PGM2L1: variants seen among roughly 807,000 people sequenced by gnomAD.
The protein encoded by PGM2L1 is glucose 1,6-bisphosphate synthase.
A neutral mutation model predicts 73.4 loss-of-function variants in PGM2L1; 35 were observed. The ratio of observed to expected loss-of-function variants is 0.48; its 90% CI spans 0.36 to 0.63. The LOEUF (loss-of-function observed/expected upper bound fraction) is 0.63, where lower values mean the gene tolerates loss of function less well. Ranked by LOEUF, PGM2L1 falls within the 30% of genes least tolerant of loss-of-function variation. The pLI is 0.00. For missense variants in PGM2L1, 570 were observed against 742.0 expected, an observed-to-expected ratio of 0.77 and a Z score of 2.69; for synonymous variants, 225 against 253.8, an observed-to-expected ratio of 0.89 and a Z score of 1.08.
chr11:74,354,921 G>C (rs1159062729), intron 5 of PGM2L1: 1 of 880,076 alleles, frequency 1.1e-6, no homozygotes, highest in East Asian at 2.4e-5. Context: ...TGACTCTGTG[G>C]ATAAGACTGT....
intron 9 of PGM2L1, among the ~76,000 whole-genome samples, chr11:74,344,872 A>T (rs918415049): frequency 1.3e-5 from 2 of 152,194 alleles, no homozygotes; most frequent in African/African-American, 2.4e-5. Flanking sequence ...CTGTAGCCTG[A>T]CTATGGCTCA....
At chr11:74,383,156 C>A (rs1467104157) in intron 1 of PGM2L1, among the ~76,000 whole-genome samples, 3 of 151,712 alleles carry the variant, frequency 2.0e-5, no homozygotes, top group Admixed American at 2.0e-4. Flanking sequence ...GTAAGCAAGC[C>A]ACATGTTAAT....
intron 1 of PGM2L1, among the ~76,000 whole-genome samples, chr11:74,375,956 T>C (rs761426469): frequency 6.6e-6 from 1 of 152,196 alleles, no homozygotes; most frequent in Non-Finnish European, 1.5e-5. Flanking sequence ...AGGGCTAACA[T>C]TTAAAGATGG....
chr11:74,346,916 T>C (rs1328878679), intron 7 of PGM2L1, 87 bp from the exon 8 acceptor site: 4 of 1,135,980 alleles, frequency 3.5e-6, no homozygotes, highest in South Asian at 2.5e-5. Flanking sequence ...ATGTTAGTGA[T>C]AGGAATTTTA....
chr11:74,398,313 G>A lies in PGM2L1; in HGVS notation c.-152C>T. The A allele has an allele frequency of 8.3e-7, 1 of 1,204,986 alleles. No individual in the cohort carries two copies. The highest frequency in any genetic ancestry group is 1.1e-6 in the Non-Finnish European group (1 of 920,766). 74.6% of individuals were successfully genotyped at this position (1,204,986 alleles called of 1,614,324 possible). On this transcript the variant is annotated 5_prime_UTR_variant, in exon 1 of 14. Coordinates refer to ENST00000298198, the MANE Select transcript of PGM2L1 (RefSeq NM_173582.6). ...CAGGGTGTTCGTAACAGCTCCTGCC[G>A]CGGCGTCAGGGAACCGGGAGAGAGG... is the stretch of plus-strand genomic sequence containing the variant.
intron 1 of PGM2L1, among the ~76,000 whole-genome samples, chr11:74,396,955 C>CCTTT (rs1463928492): frequency 6.6e-6 from 1 of 152,156 alleles, no homozygotes; most frequent in Admixed American, 6.5e-5. Context: ...GGGCAGGAAC[C>CCTTT]CTTTCTATTT....
chr11:74,388,373 C>G (rs1863045488), intron 1 of PGM2L1, among the ~76,000 whole-genome samples: 1 of 152,056 alleles, frequency 6.6e-6, no homozygotes, highest in South Asian at 2.1e-4. Context: ...GTATCTATAT[C>G]TCTCTTTATA....
At chr11:74,393,744 C>A (rs959335949) in intron 1 of PGM2L1, among the ~76,000 whole-genome samples, 2 of 152,168 alleles carry the variant, frequency 1.3e-5, no homozygotes, top group Admixed American at 6.5e-5. Flanking sequence ...GGAAGTTCAA[C>A]ACCTTTGTGA....
intron 1 of PGM2L1, among the ~76,000 whole-genome samples, chr11:74,386,575 A>G (rs1283430632): frequency 6.6e-6 from 1 of 151,854 alleles, no homozygotes; most frequent in East Asian, 1.9e-4. Flanking sequence ...TCCCAGGCTC[A>G]AGCAATCTTC....
At chr11:74,367,750 T>A (rs1862683555) in intron 5 of PGM2L1, among the ~76,000 whole-genome samples, 1 of 152,238 alleles carries the variant, frequency 6.6e-6, no homozygotes, top group East Asian at 1.9e-4. Context: ...TGCTACCTGG[T>A]TGACCCAAAC....
rs1006716810 is a variant in PGM2L1, at chr11:74,346,301, A to G, written c.1037+431T>C. Among the ~76,000 whole-genome samples the G allele has an allele frequency of 6.7e-5, 10 of 148,788 alleles. 1 individual carries two copies. Among genetic ancestry groups the G allele is most frequent in the African/African-American group, 2.5e-4 (10 of 40,510 alleles). ...AAAAAAAAAAAAAAAAAAAAAGCAA[A>G]CAAACAAAAAAAAAGGTTAGGAAAT... On this transcript the variant is annotated intron_variant, in intron 8 of 13. Transcript: ENST00000298198.
chr11:74,373,379 A>G (rs1862805419), intron 2 of PGM2L1, among the ~76,000 whole-genome samples: 1 of 152,352 alleles, frequency 6.6e-6, no homozygotes, highest in African/African-American at 2.4e-5. Flanking sequence ...CCCCTGCATT[A>G]GGCCTTGGCT....
In PGM2L1 at chr11:74,333,966, T is replaced by G. The variant is rs1862053339; in HGVS notation, c.*2686A>C. ...ACCTCCTAGCCAGCACTTCTGTCTCTCCTGACCAGCTTGGGCTATCACTGA... is the reference window on the plus strand; with the variant it reads ...ACCTCCTAGCCAGCACTTCTGTCTCGCCTGACCAGCTTGGGCTATCACTGA... On this transcript the variant is annotated 3_prime_UTR_variant, in exon 14 of 14. Transcript: ENST00000298198. 1 of 152,348 alleles carries G rather than the reference T, an allele frequency of 6.6e-6. No individual in the cohort carries two copies. The highest frequency in any genetic ancestry group is 6.5e-5 in the Admixed American group (1 of 15,306). The allele number at this position is 152,348 out of a possible 1,614,324, so 9.4% of individuals were successfully genotyped here. A position where few individuals can be genotyped will look rare whatever the true frequency, so the allele number is the denominator to read the frequency against.
chr11:74,349,359 G>T (rs10793074), intron 6 of PGM2L1, among the ~76,000 whole-genome samples: 82,502 of 152,052 alleles, frequency 0.54, 24,651 homozygotes, highest in East Asian at 0.8. Flanking sequence ...GGGCTTTTTA[G>T]GTTTAATGTT....
chr11:74,382,073 C>A (rs760088095), intron 1 of PGM2L1, among the ~76,000 whole-genome samples: 1 of 151,988 alleles, frequency 6.6e-6, no homozygotes, highest in East Asian at 1.9e-4. Context: ...CATTTTTTCA[C>A]CCAAAACTTG....
At chr11:74,362,805 C>T (rs936139502) in intron 5 of PGM2L1, among the ~76,000 whole-genome samples, 1 of 152,116 alleles carries the variant, frequency 6.6e-6, no homozygotes, top group African/African-American at 2.4e-5. Flanking sequence ...TTTAACACCC[C>T]ACTGTCAACA....
At chr11:74,346,880 T>G (rs755127679) in intron 7 of PGM2L1, 51 bp from the exon 8 acceptor site, 1 of 1,386,082 alleles carries the variant, frequency 7.2e-7, no homozygotes, top group African/African-American at 1.4e-5. Flanking sequence ...CTAAGTTCAA[T>G]GTTAACGTTC....
At chr11:74,360,890 C>A (rs1219715174) in intron 5 of PGM2L1, among the ~76,000 whole-genome samples, 1 of 152,172 alleles carries the variant, frequency 6.6e-6, no homozygotes, top group East Asian at 1.9e-4. Flanking sequence ...AGTAGATAAA[C>A]AAAGGCCAGG....
chr11:74,370,071 A>G (rs1862728913), intron 4 of PGM2L1, among the ~76,000 whole-genome samples: 1 of 152,184 alleles, frequency 6.6e-6, no homozygotes, highest in African/African-American at 2.4e-5. Context: ...TTTTACAAAG[A>G]AATAAAGTAC....
Sources: allele counts gnomAD v4.1 joint callset (sites outside exome capture counted in the v4.1 genomes callset), GRCh38; gene constraint gnomAD v4.1.1; transcripts MANE v1.5; gene names NCBI Gene and HGNC (gene_info 2026-07-23, HGNC 2026-07-21).